AK4: variants seen among roughly 807,000 people sequenced by gnomAD.
The protein encoded by AK4 is adenylate kinase 4, mitochondrial.
Under a neutral mutation model 24.6 loss-of-function variants are expected in AK4, and 13 were observed. The ratio of observed to expected loss-of-function variants is 0.53; its 90% confidence interval spans 0.34 to 0.84. The LOEUF is 0.84. AK4 is among the 40% of genes least tolerant of loss of function. The pLI is 0.01. For missense variants in AK4, 192 were observed against 288.2 expected (o/e 0.67, Z 2.42); for synonymous variants, 88 against 107.0 (o/e 0.82, Z 1.10).
intron 2 of AK4, among the ~76,000 whole-genome samples, chr1:65,200,176 C>T (rs182080515): frequency 5.3e-5 from 8 of 151,960 alleles, no homozygotes; most frequent in Admixed American, 1.3e-4. Flanking sequence ...TGCAATGGTG[C>T]GATCTTGGCT....
At chr1:65,154,047 A>G (rs1049676506) in intron 1 of AK4, among the ~76,000 whole-genome samples, 5 of 152,208 alleles carry the variant, frequency 3.3e-5, no homozygotes, top group African/African-American at 1.2e-4. Flanking sequence ...AGGGTTTTCC[A>G]TAGGACAATG....
intron 1 of AK4, among the ~76,000 whole-genome samples, chr1:65,176,487 G>A (rs990310694): frequency 6.6e-6 from 1 of 152,122 alleles, no homozygotes; most frequent in African/African-American, 2.4e-5. Context: ...CACCTCTCAC[G>A]TTTAGAACGG....
chr1:65,168,577 C>T (rs1650409608), intron 1 of AK4, among the ~76,000 whole-genome samples: 1 of 152,156 alleles, frequency 6.6e-6, no homozygotes, highest in South Asian at 2.1e-4. Context: ...TAGGCATGAG[C>T]CACCACATCT....
chr1:65,154,216 A>G (rs1649895824), intron 1 of AK4, among the ~76,000 whole-genome samples: 1 of 152,142 alleles, frequency 6.6e-6, no homozygotes, highest in Non-Finnish European at 1.5e-5. Flanking sequence ...TTTGGGATAT[A>G]TATGAAGGCA....
intron 2 of AK4, among the ~76,000 whole-genome samples, chr1:65,205,753 A>G (rs986874536): frequency 6.6e-6 from 1 of 152,126 alleles, no homozygotes; most frequent in Non-Finnish European, 1.5e-5. Flanking sequence ...TTCTATTTCA[A>G]TAATACTAGT....
At chr1:65,191,852 C>T (rs1651318325) in intron 2 of AK4, among the ~76,000 whole-genome samples, 1 of 152,102 alleles carries the variant, frequency 6.6e-6, no homozygotes, top group African/African-American at 2.4e-5. Flanking sequence ...ATTGGAATAA[C>T]TGGACTAAGG....
chr1:65,231,165 A>C lies in AK4; in HGVS notation c.*4988A>C, dbSNP rs1049353185. The C allele has an allele frequency of 6.6e-6, 1 of 152,188 alleles. No individual in the cohort carries two copies. The allele number at this position is 152,188 out of a possible 1,614,324, so 9.4% of individuals were successfully genotyped here. Reference sequence around the variant, plus strand: ...CAAATGAGAAGTGTGCAGGCCCCAGAGGTTGAGAAGCCATATTTCAACTGT... The same window carrying C: ...CAAATGAGAAGTGTGCAGGCCCCAGCGGTTGAGAAGCCATATTTCAACTGT... On this transcript the variant is annotated 3_prime_UTR_variant, in exon 5 of 5. Transcript: ENST00000327299.
At chr1:65,179,268 A>G (rs964693309) in intron 1 of AK4, among the ~76,000 whole-genome samples, 3 of 152,154 alleles carry the variant, frequency 2.0e-5, no homozygotes, top group African/African-American at 7.2e-5. Context: ...TACAGGTGCT[A>G]GTGTCATATT....
intron 1 of AK4, among the ~76,000 whole-genome samples, chr1:65,161,208 G>A (rs1487196444): frequency 2.0e-5 from 3 of 152,190 alleles, no homozygotes; most frequent in African/African-American, 7.2e-5. Flanking sequence ...GGTAGAAATT[G>A]CTTTTCATCA....
intron 2 of AK4, among the ~76,000 whole-genome samples, chr1:65,192,287 G>T (rs548700353): frequency 6.6e-6 from 1 of 152,306 alleles, no homozygotes; most frequent in East Asian, 1.9e-4. Context: ...TGGGGAAGAA[G>T]TGCATGCCTC....
At chr1:65,151,283 T>C (rs1455712847) in intron 1 of AK4, among the ~76,000 whole-genome samples, 2 of 152,076 alleles carry the variant, frequency 1.3e-5, no homozygotes, top group African/African-American at 2.4e-5. Context: ...CCTCTGCACA[T>C]GTCTTATTGA....
At chr1:65,191,141 C>T (rs964571570) in intron 2 of AK4, among the ~76,000 whole-genome samples, 2 of 152,184 alleles carry the variant, frequency 1.3e-5, no homozygotes, top group Non-Finnish European at 2.9e-5. Context: ...TTCTTTCATT[C>T]ACCACAGGGC....
rs1197642752 is a variant in AK4, at chr1:65,150,740, A to C, written c.145+2188A>C. On this transcript the variant is annotated intron_variant, in intron 1 of 4. Coordinates refer to ENST00000327299, the MANE Select transcript of AK4 (RefSeq NM_013410.4). ...TTGAAGGAGACGATGAAGCACAACA[A>C]AAACCCAGGAAATAGAACCGTGTAG... is the stretch of plus-strand genomic sequence containing the variant. Among the ~76,000 whole-genome samples, 2 of 152,214 alleles carry C rather than the reference A, an allele frequency of 1.3e-5. 1 individual carries two copies. The highest frequency in any genetic ancestry group is 4.8e-5 in the African/African-American group (2 of 41,446).
intron 1 of AK4, among the ~76,000 whole-genome samples, chr1:65,166,310 CTGTGTGTGTGTGTGTGTGTG>C (rs34870729): frequency 7.0e-6 from 1 of 143,008 alleles, no homozygotes; most frequent in Non-Finnish European, 1.5e-5. Context: ...GGGATTTAAG[CTGTGTGTGTGTGTGTGTGTG>C]TGTGTGTGTG....
At chr1:65,193,322 T>C (rs1314402190) in intron 2 of AK4, among the ~76,000 whole-genome samples, 1 of 152,188 alleles carries the variant, frequency 6.6e-6, no homozygotes, top group African/African-American at 2.4e-5. Flanking sequence ...GCTATCCATC[T>C]TCTGAAACCA....
At chr1:65,148,792 C>G (rs1365977674) in intron 1 of AK4, among the ~76,000 whole-genome samples, 1 of 152,160 alleles carries the variant, frequency 6.6e-6, no homozygotes, top group Non-Finnish European at 1.5e-5. Flanking sequence ...ACCGCTCCTC[C>G]TGTCGCGAGG....
At chr1:65,198,600 A>G (rs962846825) in intron 2 of AK4, among the ~76,000 whole-genome samples, 5 of 152,192 alleles carry the variant, frequency 3.3e-5, no homozygotes, top group African/African-American at 1.2e-4. Context: ...GAGGTGTTCC[A>G]AGAGGTAAGT....
intron 1 of AK4, among the ~76,000 whole-genome samples, chr1:65,175,357 C>CAG (rs371521136): frequency 4.0e-5 from 6 of 151,892 alleles, no homozygotes; most frequent in African/African-American, 1.2e-4. Flanking sequence ...AGAGTTACTA[C>CAG]AGAGAGAGAG....
At chr1:65,217,404 C>T (rs1652164684) in intron 2 of AK4, among the ~76,000 whole-genome samples, 1 of 152,116 alleles carries the variant, frequency 6.6e-6, no homozygotes, top group African/African-American at 2.4e-5. Context: ...TAGAGATGGG[C>T]TGGTATCCTT....
Sources: gnomAD v4.1 joint callset for allele counts (sites outside exome capture counted in the v4.1 genomes callset) on GRCh38, gnomAD v4.1.1 for gene constraint, MANE v1.5 for transcripts, NCBI Gene and HGNC (gene_info 2026-07-23, HGNC 2026-07-21) for gene names.